The following PRKAG2 variants were observed in gnomAD, a reference collection of about 807,000 sequenced individuals.
The protein encoded by PRKAG2 is protein kinase AMP-activated non-catalytic subunit gamma 2, also known as 5'-AMP-activated protein kinase subunit gamma-2.
In PRKAG2, 26 loss-of-function variants were observed where a neutral mutation model predicts 69.6. That is an observed-to-expected ratio of 0.37 (90% confidence interval 0.27 to 0.52). The LOEUF is 0.52. Among genes scored for constraint, PRKAG2 ranks in the 20% least tolerant of loss-of-function variants. The pLI is 0.90. For missense variants in PRKAG2, 557 were observed against 740.0 expected (o/e 0.75, Z 2.87); for synonymous variants, 293 against 285.0 (o/e 1.03, Z -0.28).
chr7:151,844,009 A>G (rs1213785382), intron 1 of PRKAG2, among the ~76,000 whole-genome samples: 1 of 152,026 alleles, frequency 6.6e-6, no homozygotes, highest in Non-Finnish European at 1.5e-5. Flanking sequence ...GGGCCTCCTG[A>G]CTCCTGGCCA....
Position 151,780,458 on chromosome 7 carries a change from T to C in PRKAG2, c.466+694A>G, listed in dbSNP as rs967550351. Among the ~76,000 whole-genome samples, 6 of 152,210 alleles carry C rather than the reference T, an allele frequency of 3.9e-5. No homozygotes were observed. The highest frequency in any genetic ancestry group is 7.2e-5 in the African/African-American group (3 of 41,464). On this transcript the variant is annotated intron_variant, in intron 3 of 15. Coordinates refer to ENST00000287878, the MANE Select transcript of PRKAG2 (RefSeq NM_016203.4). This position sits in a 1 kb window ranked among gnomAD's most constrained non-coding sequence, Gnocchi z 4.2. ...AGTCAGTAGAAAGAACTGGAAAGAATAGACAAAGGAAAGGAGAAAGTAAAC... is the reference window on the plus strand; with the variant it reads ...AGTCAGTAGAAAGAACTGGAAAGAACAGACAAAGGAAAGGAGAAAGTAAAC...
At position 151,771,253 on chromosome 7, in the gene PRKAG2, T is replaced by G. The variant is rs1353752828; in HGVS notation, c.466+9899A>C. ...TAAAATTTCGATTTCCGCTTTACAT[T>G]TTTGGCATTTTAAAATAAAACATTA... On this transcript the variant is annotated intron_variant, in intron 3 of 15. Transcript: ENST00000287878. This position sits in a 1 kb window ranked among gnomAD's most constrained non-coding sequence, Gnocchi z 4.0. 6.6e-6 allele frequency among the ~76,000 whole-genome samples: 1 copy of G among 152,210 alleles called. No individual in the cohort carries two copies. Among genetic ancestry groups the G allele is most frequent in the Non-Finnish European group, 1.5e-5 (1 of 68,032 alleles).
At chr7:151,763,921 T>C (rs2075581283) in intron 3 of PRKAG2, among the ~76,000 whole-genome samples, 1 of 152,234 alleles carries the variant, frequency 6.6e-6, no homozygotes, top group African/African-American at 2.4e-5. Context: ...CCGCAAGCTC[T>C]GGACAGAACA....
chr7:151,647,771 C>G (rs992925364), intron 4 of PRKAG2, among the ~76,000 whole-genome samples: 1 of 152,130 alleles, frequency 6.6e-6, no homozygotes, highest in Admixed American at 6.5e-5. Flanking sequence ...AATCTCAAAT[C>G]GTTTTTGGCA....
At chr7:151,568,604 C>T in intron 11 of PRKAG2, 112 bp downstream of exon 11, 1 of 1,165,168 alleles carries the variant, frequency 8.6e-7, no homozygotes, top group Non-Finnish European at 1.2e-6. Flanking sequence ...GAAAGGGAGA[C>T]CTCAAAACTA....
At chr7:151,703,052 T>C (rs1837989661) in intron 3 of PRKAG2, among the ~76,000 whole-genome samples, 3 of 152,188 alleles carry the variant, frequency 2.0e-5, no homozygotes, top group African/African-American at 7.2e-5. Context: ...CTCCCTAACC[T>C]GCCTGCCCAG....
At chr7:151,633,200 T>C (rs1825111551) in intron 4 of PRKAG2, 1 of 152,142 alleles carries the variant, frequency 6.6e-6, no homozygotes, top group African/African-American at 2.4e-5. Context: ...TCATCTTACT[T>C]GCGCCAATCC....
At chr7:151,564,045 G>A (rs527862981) in intron 14 of PRKAG2, 33 bp downstream of exon 14, 14 of 1,613,544 alleles carry the variant, frequency 8.7e-6, no homozygotes, top group East Asian at 2.2e-5. Flanking sequence ...TGCAGTGGAC[G>A]TCGGGGGAGC....
Position 151,777,412 on chromosome 7 carries a change from G to A in PRKAG2, c.466+3740C>T, listed in dbSNP as rs2076426670. 6.6e-6 allele frequency among the ~76,000 whole-genome samples: 1 copy of A among 152,184 alleles called. No individual in the cohort carries two copies. The highest frequency in any genetic ancestry group is 2.1e-4 in the South Asian group (1 of 4,832). On this transcript the variant is annotated intron_variant, in intron 3 of 15. Transcript: ENST00000287878. This position sits in a 1 kb window ranked among gnomAD's most constrained non-coding sequence, Gnocchi z 4.3. Reference sequence around the variant, plus strand: ...CCCGGTGTTGGAGGTGGGGCCCCGTGGGAGGTGTTTGGGTCCTGGGGGCAG... The same window carrying A: ...CCCGGTGTTGGAGGTGGGGCCCCGTAGGAGGTGTTTGGGTCCTGGGGGCAG...
At chr7:151,631,356 A>C (rs1165830236) in intron 5 of PRKAG2, among the ~76,000 whole-genome samples, 1 of 152,222 alleles carries the variant, frequency 6.6e-6, no homozygotes, top group Admixed American at 6.5e-5. Context: ...AACAGCTTCA[A>C]AATAAGATCC....
intron 5 of PRKAG2, among the ~76,000 whole-genome samples, chr7:151,599,384 T>C (rs1475962103): frequency 6.6e-6 from 1 of 152,042 alleles, no homozygotes; most frequent in South Asian, 2.1e-4. Flanking sequence ...CCTAACTTCC[T>C]CACCAATCCT....
At chr7:151,724,170 A>C (rs867585614) in intron 3 of PRKAG2, among the ~76,000 whole-genome samples, 4 of 152,174 alleles carry the variant, frequency 2.6e-5, no homozygotes, top group Admixed American at 6.5e-5. Context: ...GTGGTTGCCC[A>C]AGACTACACT....
intron 1 of PRKAG2, among the ~76,000 whole-genome samples, chr7:151,851,681 C>T (rs1304917650): frequency 6.6e-6 from 1 of 152,178 alleles, no homozygotes; most frequent in African/African-American, 2.4e-5. Flanking sequence ...GCTCCTGGGG[C>T]CCCACTCTGC....
chr7:151,606,331 T>C (rs551501203), intron 5 of PRKAG2, among the ~76,000 whole-genome samples: 49 of 152,366 alleles, frequency 3.2e-4, no homozygotes, highest in Admixed American at 9.8e-4. Context: ...TAATGTCGCT[T>C]TTCTACTTTT....
chr7:151,714,508 A>C (rs1795854795), intron 3 of PRKAG2, among the ~76,000 whole-genome samples: 1 of 146,036 alleles, frequency 6.8e-6, no homozygotes, highest in African/African-American at 2.6e-5. Flanking sequence ...TCCCATCCAC[A>C]CCCTGCCACC....
rs1043446231 is a variant in PRKAG2 at position 151,699,534 on chromosome 7, A to T, written c.467-23897T>A. On this transcript the variant is annotated intron_variant, in intron 3 of 15. Transcript: ENST00000287878. This position sits in a 1 kb window ranked among gnomAD's most constrained non-coding sequence, Gnocchi z 4.5. ...TTTAGTTTTATGATTAAGAAATGGCAAAGGGCCTTTCAGACTACTTTTGCT... is the reference window on the plus strand; with the variant it reads ...TTTAGTTTTATGATTAAGAAATGGCTAAGGGCCTTTCAGACTACTTTTGCT... Among the ~76,000 whole-genome samples the T allele has an allele frequency of 4.6e-5, 7 of 152,238 alleles. No individual in the cohort carries two copies. The highest frequency in any genetic ancestry group is 8.8e-5 in the Non-Finnish European group (6 of 68,034).
intron 4 of PRKAG2, among the ~76,000 whole-genome samples, chr7:151,647,084 C>A (rs1463821022): frequency 6.6e-6 from 1 of 152,252 alleles, no homozygotes; most frequent in Non-Finnish European, 1.5e-5. Context: ...GTGTGCACAG[C>A]CCCGTCCATC....
At position 151,807,877 on chromosome 7, in the gene PRKAG2, G is replaced by A. The variant is rs556568921; in HGVS notation, c.115-21336C>T. Among the ~76,000 whole-genome samples, 6 of 152,270 alleles carry A rather than the reference G, an allele frequency of 3.9e-5. No individual in the cohort carries two copies. The East Asian group carries it at 9.6e-4, about 24-fold the overall frequency. On this transcript the variant is annotated intron_variant, in intron 1 of 15. Transcript: ENST00000287878. The surrounding 1 kb of genome is among the most constrained non-coding windows in gnomAD (Gnocchi z 4.4). ...GAGACAACGGCCAAACAGAAAAACCGCTTGGAGAATAAAAGTCGGGGGAAG... is the reference window on the plus strand; with the variant it reads ...GAGACAACGGCCAAACAGAAAAACCACTTGGAGAATAAAAGTCGGGGGAAG...
chr7:151,811,441 C>T lies in PRKAG2; in HGVS notation c.115-24900G>A, dbSNP rs142490161. 3.3e-5 allele frequency among the ~76,000 whole-genome samples: 5 copies of T among 152,358 alleles called. No homozygotes were observed. In the East Asian group the frequency reaches 9.6e-4, roughly 29 times the overall value. On this transcript the variant is annotated intron_variant, in intron 1 of 15. Transcript: ENST00000287878. ...AGGCCTCTGGGGTGAAGAAGGAACA[C>T]CCCCCAGTTCTTGGGCATCAGGTGC...
Sources: allele counts gnomAD v4.1 joint callset (sites outside exome capture counted in the v4.1 genomes callset), GRCh38; gene constraint gnomAD v4.1.1; non-coding constraint Gnocchi (gnomAD v3.1); transcripts MANE v1.5; gene names NCBI Gene and HGNC (gene_info 2026-07-23, HGNC 2026-07-21).